The following RBFOX1 variants were observed in gnomAD, a reference collection of about 807,000 sequenced individuals.
RBFOX1 encodes the protein RNA binding fox-1 homolog 1.
RBFOX1 carries 8 observed loss-of-function variants against 57.7 expected under a neutral mutation model. The observed-to-expected ratio is 0.14, with a 90% CI of 0.08 to 0.25. RBFOX1 has a LOEUF of 0.25. Ranked by LOEUF, RBFOX1 falls within the 10% of genes least tolerant of loss-of-function variation. The pLI is 1.00. For synonymous variants in RBFOX1, 326 were observed against 222.4 expected (o/e 1.47, Z -4.15); for missense variants, 611 against 548.5 (o/e 1.11, Z -1.14).
intron 4 of RBFOX1, among the ~76,000 whole-genome samples, chr16:7,162,589 T>A (rs934649283): frequency 1.0e-4 from 12 of 117,060 alleles, no homozygotes; most frequent in African/African-American, 3.5e-4. Flanking sequence ...AAAAAAAACA[T>A]TGCCAGGTAC....
At chr16:5,841,205 A>G (rs1191787647) in intron 3 of RBFOX1, among the ~76,000 whole-genome samples, 1 of 152,210 alleles carries the variant, frequency 6.6e-6, no homozygotes, top group Non-Finnish European at 1.5e-5. Context: ...TATCACCACC[A>G]ATCCAGTGTC....
intron 2 of RBFOX1, among the ~76,000 whole-genome samples, chr16:6,434,652 A>G (rs1257318696): frequency 6.6e-6 from 1 of 152,244 alleles, no homozygotes; most frequent in Non-Finnish European, 1.5e-5. Flanking sequence ...GGTCTGCACC[A>G]TCTGTAAATA....
intron 1 of RBFOX1, among the ~76,000 whole-genome samples, chr16:6,175,074 AAT>A (rs934295981): frequency 1.6e-4 from 25 of 152,148 alleles, no homozygotes; most frequent in Admixed American, 1.6e-3. Context: ...ATAAAGATAA[AAT>A]GAGTTATCAC....
intron 10 of RBFOX1, among the ~76,000 whole-genome samples, chr16:7,611,783 C>T (rs147173757): frequency 5.3e-5 from 8 of 152,152 alleles, no homozygotes; most frequent in Admixed American, 2.0e-4. Flanking sequence ...GCATTGAGAA[C>T]GTTCTAATGT....
intron 3 of RBFOX1, among the ~76,000 whole-genome samples, chr16:5,646,209 T>G (rs113691365): frequency 0.013 from 1,975 of 147,014 alleles, 45 homozygotes; most frequent in African/African-American, 0.046. Flanking sequence ...GTATTTTTAG[T>G]GGAGACAGGG....
chr16:7,650,121 G>A (rs1310994051), intron 11 of RBFOX1, among the ~76,000 whole-genome samples: 2 of 151,984 alleles, frequency 1.3e-5, no homozygotes, highest in African/African-American at 4.8e-5. Context: ...AAGAAGGAAG[G>A]AAGGAATGTA....
At chr16:6,369,977 A>G (rs530441197) in intron 2 of RBFOX1, among the ~76,000 whole-genome samples, 1 of 152,270 alleles carries the variant, frequency 6.6e-6, no homozygotes, top group East Asian at 1.9e-4. Context: ...CATGCATTTC[A>G]TTTAGTTGTC....
chr16:6,277,350 A>G lies in RBFOX1; in HGVS notation c.-126-39645A>G, dbSNP rs138390989. ...ATGGTGTGGTTCTGTAGTCCCACCT[A>G]CTCAGGAGGCTAAGGTGGGAGGATT... is the stretch of plus-strand genomic sequence containing the variant. On this transcript the variant is annotated intron_variant, in intron 1 of 15. Transcript: ENST00000550418. Among the ~76,000 whole-genome samples the G allele has an allele frequency of 1.1e-4, 17 of 149,252 alleles. No homozygotes were observed. The East Asian group carries it at 3.4e-3, about 30-fold the overall frequency.
intron 4 of RBFOX1, among the ~76,000 whole-genome samples, chr16:7,099,214 A>G (rs930960818): frequency 4.0e-4 from 61 of 152,184 alleles, no homozygotes; most frequent in African/African-American, 1.5e-3. Flanking sequence ...TGTCTTCTGC[A>G]TACGTGTGGA....
intron 3 of RBFOX1, among the ~76,000 whole-genome samples, chr16:6,688,858 A>C (rs534179048): frequency 2.6e-5 from 4 of 151,640 alleles, no homozygotes; most frequent in Admixed American, 2.0e-4. Flanking sequence ...TCATTGTTCA[A>C]CTCCCACTTA....
chr16:5,875,538 A>G (rs1007749758), intron 4 of RBFOX1, among the ~76,000 whole-genome samples: 1 of 152,230 alleles, frequency 6.6e-6, no homozygotes, highest in African/African-American at 2.4e-5. Flanking sequence ...GGCAATAAGC[A>G]TATTATTTGG....
rs114609787 is a variant in RBFOX1 at position 5,843,343 on chromosome 16, A to T, written c.319-23960A>T. On this transcript the variant is annotated intron_variant, in intron 3 of 19. Transcript: ENST00000641259. ...GTGTGCTGTTCCCTTCTGTGTATCC[A>T]TATGTTCTCATTATTTAGCTCCTAC... Among the ~76,000 whole-genome samples the T allele has an allele frequency of 8.3e-3, 1,264 of 152,148 alleles. 24 individuals are homozygous for T. The highest frequency in any genetic ancestry group is 0.029 in the African/African-American group (1,213 of 41,494).
At chr16:6,198,679 G>A (rs1049415597) in intron 1 of RBFOX1, among the ~76,000 whole-genome samples, 1 of 152,172 alleles carries the variant, frequency 6.6e-6, no homozygotes, top group African/African-American at 2.4e-5. Flanking sequence ...TTAAAAGTTG[G>A]TGGTGATTGA....
intron 2 of RBFOX1, among the ~76,000 whole-genome samples, chr16:5,499,983 C>T (rs888023298): frequency 6.6e-6 from 1 of 152,166 alleles, no homozygotes; most frequent in Non-Finnish European, 1.5e-5. Context: ...AGGCATTTCA[C>T]TCTTTCTCTC....
chr16:7,221,358 TA>T (rs1259757189), intron 4 of RBFOX1, among the ~76,000 whole-genome samples: 5 of 150,598 alleles, frequency 3.3e-5, no homozygotes, highest in African/African-American at 1.2e-4. Flanking sequence ...TTTATTTATT[TA>T]TTTATTTTTT....
At chr16:5,688,572 G>C (rs1347090019) in intron 3 of RBFOX1, among the ~76,000 whole-genome samples, 3 of 152,052 alleles carry the variant, frequency 2.0e-5, no homozygotes, top group Non-Finnish European at 4.4e-5. Context: ...AGATACTGCA[G>C]TTGGTCTGGT....
intron 3 of RBFOX1, among the ~76,000 whole-genome samples, chr16:5,856,225 A>G (rs1439685565): frequency 5.6e-5 from 3 of 53,218 alleles, no homozygotes; most frequent in Non-Finnish European, 1.1e-4. Context: ...ATGTATATAT[A>G]TATGTATATA....
chr16:6,800,988 T>A lies in RBFOX1; in HGVS notation c.-16+146338T>A, dbSNP rs372333616. ...GACAACAGTGTGGGAAATCAATAAA[T>A]GTTTGTTCAATAAATGAAAAAGTGA... On this transcript the variant is annotated intron_variant, in intron 3 of 15. Coordinates refer to ENST00000550418, the MANE Select transcript of RBFOX1 (RefSeq NM_018723.4). Among the ~76,000 whole-genome samples the A allele has an allele frequency of 2.6e-4, 39 of 152,254 alleles. 1 individual carries two copies. The highest frequency in any genetic ancestry group is 2.5e-3 in the East Asian group (13 of 5,164).
At chr16:6,583,594 G>C (rs1317804508) in intron 2 of RBFOX1, among the ~76,000 whole-genome samples, 1 of 152,170 alleles carries the variant, frequency 6.6e-6, no homozygotes, top group Non-Finnish European at 1.5e-5. Context: ...TTTTTAACTG[G>C]ATTCTATCCA....
Sources: allele counts gnomAD v4.1 joint callset (sites outside exome capture counted in the v4.1 genomes callset), GRCh38; gene constraint gnomAD v4.1.1; transcripts MANE v1.5; gene names NCBI Gene and HGNC (gene_info 2026-07-23, HGNC 2026-07-21).